The following TUBA8 variants were observed in gnomAD, a reference collection of about 807,000 sequenced individuals.
TUBA8 encodes tubulin alpha-8 chain.
TUBA8 carries 29 observed loss-of-function variants against 34.7 expected under a neutral mutation model. That is an observed-to-expected ratio of 0.84 (90% CI 0.62 to 1.14). The LOEUF is 1.14. TUBA8 is among the 50% of genes most tolerant of loss of function. The probability of loss-of-function intolerance (pLI) is 0.00; values close to 1 mark genes in which losing one functional copy is unlikely to be tolerated. For synonymous variants in TUBA8, 226 were observed against 231.2 expected (o/e 0.98, Z 0.21); for missense variants, 541 against 599.2 (o/e 0.90, Z 1.01).
rs1417998581 is a variant in TUBA8, at chr22:18,121,695, G to A, written c.220G>A (p.Val74Ile). ...RAVMIDLEPT[V>I]VDEVRAGTYR... Reference sequence around the variant, plus strand: ...CGTCATGATAGATCTGGAGCCTACTGTAGTGGGTGAGTGGGGGCGGAGTTC... The same window carrying A: ...CGTCATGATAGATCTGGAGCCTACTATAGTGGGTGAGTGGGGGCGGAGTTC... The change falls in exon 2 of 5, where the codon GTA (valine) becomes ATA (isoleucine). Residue 74 changes from valine (V) to isoleucine (I), a missense_variant. Physicochemically the swap from Val to Ile is conservative, Grantham distance 29. Coordinates refer to ENST00000330423, the MANE Select transcript of TUBA8 (RefSeq NM_018943.3). This position sits in a 1 kb window ranked among gnomAD's most constrained non-coding sequence, Gnocchi z 4.8. 6.2e-7 allele frequency: 1 copy of A among 1,614,006 alleles called. No individual in the cohort carries two copies. Among genetic ancestry groups the A allele is most frequent in the Admixed American group, 1.7e-5 (1 of 60,002 alleles).
At chr22:18,123,955 C>T in intron 2 of TUBA8, 2 of 634,030 alleles carry the variant, frequency 3.2e-6, no homozygotes, top group East Asian at 5.8e-5. Flanking sequence ...CCCACATGAG[C>T]CACAGGCCTT....
chr22:18,131,114 A>G lies in TUBA8; in HGVS notation c.1328A>G (p.Glu443Gly). ...EEVGTDSFEE[E>G]NEGEEF ...GTGGGGACTGATTCGTTTGAAGAAG[A>G]AAATGAAGGGGAGGAATTTTAAATA... Residue 443 changes from glutamate (E) to glycine (G), a missense_variant, in exon 5 of 5, where the codon GAA becomes GGA. Physicochemically the swap from Glu to Gly is moderately conservative, Grantham distance 98 (BLOSUM62 -2). Coordinates refer to ENST00000330423, the MANE Select transcript of TUBA8 (RefSeq NM_018943.3). The surrounding 1 kb of genome is among the most constrained non-coding windows in gnomAD (Gnocchi z 5.3). The G allele has an allele frequency of 1.2e-6, 2 of 1,614,142 alleles. No individual in the cohort carries two copies. Among genetic ancestry groups the G allele is most frequent in the East Asian group, 2.2e-5 (1 of 44,886 alleles).
In TUBA8 at chr22:18,131,108, A is replaced by G. The variant is rs1414368400; in HGVS notation, c.1322A>G (p.Glu441Gly). 3.1e-6 allele frequency: 5 copies of G among 1,614,160 alleles called. No homozygotes were observed. Among genetic ancestry groups the G allele is most frequent in the Non-Finnish European group, 4.2e-6 (5 of 1,180,028 alleles). ...GAAGAAGTGGGGACTGATTCGTTTG[A>G]AGAAGAAAATGAAGGGGAGGAATTT... ...DYEEVGTDSF[E>G]EENEGEEF Residue 441 changes from glutamate to glycine, a missense_variant, in exon 5 of 5, where the codon GAA becomes GGA. Glu to Gly is a moderately conservative substitution (Grantham distance 98). Coordinates refer to ENST00000330423, the MANE Select transcript of TUBA8 (RefSeq NM_018943.3). The surrounding 1 kb of genome is among the most constrained non-coding windows in gnomAD (Gnocchi z 5.3).
intron 1 of TUBA8, chr22:18,117,114 A>T (rs980115709): frequency 6.6e-6 from 1 of 152,094 alleles, no homozygotes; most frequent in Non-Finnish European, 1.5e-5. Context: ...TACTATGAAA[A>T]ATTTTAAGCC....
In TUBA8 at chr22:18,130,924, A is replaced by G. The variant is rs764081943; in HGVS notation, c.1138A>G (p.Asn380Asp). The change falls in exon 5 of 5, where the codon AAC (asparagine) becomes GAC (aspartate). Residue 380 changes from asparagine (N) to aspartate (D), a missense_variant. By Grantham distance (23) the Asn-to-Asp change is conservative (BLOSUM62 1). Transcript: ENST00000330423. ...GCAGCGGGCCGTCTGCATGCTCAGC[A>G]ACACCACGGCCATTGCGGAGGCCTG... ...KVQRAVCMLS[N>D]TTAIAEAWAR... 2 of 1,614,106 alleles carry G rather than the reference A, an allele frequency of 1.2e-6. No homozygotes were observed. Among genetic ancestry groups the G allele is most frequent in the East Asian group, 4.5e-5 (2 of 44,862 alleles).
At chr22:18,120,293 C>G (rs970823621) in intron 1 of TUBA8, 1 of 152,188 alleles carries the variant, frequency 6.6e-6, no homozygotes, top group Non-Finnish European at 1.5e-5. Flanking sequence ...TTCTTCCCTC[C>G]CCGCTCCAGT....
chr22:18,110,935 C>G lies in TUBA8; in HGVS notation c.3+67C>G, dbSNP rs1602486004. 6.5e-7 allele frequency: 1 copy of G among 1,534,658 alleles called. No individual in the cohort carries two copies. The highest frequency in any genetic ancestry group is 2.4e-5 in the East Asian group (1 of 41,122). On this transcript the variant is annotated intron_variant, in intron 1 of 4. Transcript: ENST00000330423. The surrounding 1 kb of genome is among the most constrained non-coding windows in gnomAD (Gnocchi z 6.2). ...GGCGTAGGACCGAGAGCCGAGTCTA[C>G]GCGGAGGCGCACGGACCCGTCTTCC...
intron 1 of TUBA8, chr22:18,114,138 A>C (rs1169420603): frequency 6.6e-6 from 1 of 152,264 alleles, no homozygotes; most frequent in Admixed American, 6.5e-5. Context: ...TGTGGTTGGC[A>C]TTTCCCCTGC....
chr22:18,124,299 A>G lies in TUBA8; in HGVS notation c.370A>G (p.Lys124Glu). Residue 124 changes from lysine to glutamate, a missense_variant, in exon 3 of 5, where the codon AAG becomes GAG. By Grantham distance (56) the Lys-to-Glu change is moderately conservative. Coordinates refer to ENST00000330423, the MANE Select transcript of TUBA8 (RefSeq NM_018943.3). This position sits in a 1 kb window ranked among gnomAD's most constrained non-coding sequence, Gnocchi z 4.3. ...SIDLVLDRIR[K>E]LTDACSGLQG... is the part of the protein sequence containing the mutation. ...TGACCTGGTGCTGGACCGCATACGG[A>G]AGCTGGTAAGATCAGGAGGGCAGGG... is the stretch of plus-strand genomic sequence containing the variant. 1 of 1,613,504 alleles carries G rather than the reference A, an allele frequency of 6.2e-7. No individual in the cohort carries two copies. The highest frequency in any genetic ancestry group is 2.2e-5 in the East Asian group (1 of 44,872).
At position 18,131,706 on chromosome 22, in the gene TUBA8, A is replaced by G. The variant is rs1429733842; in HGVS notation, c.*570A>G. 1 of 165,384 alleles carries G rather than the reference A, an allele frequency of 6.0e-6. No homozygotes were observed. Among genetic ancestry groups the G allele is most frequent in the Non-Finnish European group, 1.3e-5 (1 of 75,860 alleles). 10.2% of individuals were successfully genotyped at this position (165,384 alleles called of 1,614,324 possible). Reference sequence around the variant, plus strand: ...ACACATTTCCTGCCCTCATACACACATAAATAAAGTGAATGAGATCATGTC... The same window carrying G: ...ACACATTTCCTGCCCTCATACACACGTAAATAAAGTGAATGAGATCATGTC... On this transcript the variant is annotated 3_prime_UTR_variant, in exon 5 of 5. Transcript: ENST00000330423. This position sits in a 1 kb window ranked among gnomAD's most constrained non-coding sequence, Gnocchi z 5.3.
Position 18,126,782 on chromosome 22 carries a change from G to A in TUBA8, c.804G>A (p.Pro268=), listed in dbSNP as rs149523842. Reference sequence around the variant, plus strand: ...TGCCCTACCCCCGCATCCACTTCCCGCTGGTCACCTACGCGCCCATCATCT... The same window carrying A: ...TGCCCTACCCCCGCATCCACTTCCCACTGGTCACCTACGCGCCCATCATCT... ...NLVPYPRIHF[P]LVTYAPIISA... is the part of the protein sequence containing the mutation. The change falls in exon 4 of 5, where the codon CCG becomes CCA. Residue 268 remains proline, a synonymous_variant. Coordinates refer to ENST00000330423, the MANE Select transcript of TUBA8 (RefSeq NM_018943.3). This position sits in a 1 kb window ranked among gnomAD's most constrained non-coding sequence, Gnocchi z 4.0. 65 of 1,613,880 alleles carry A rather than the reference G, an allele frequency of 4.0e-5. No individual in the cohort carries two copies. The East Asian group carries it at 1.1e-3, about 27-fold the overall frequency.
chr22:18,115,838 C>T (rs1012838495), intron 1 of TUBA8: 14 of 152,204 alleles, frequency 9.2e-5, no homozygotes, highest in African/African-American at 3.4e-4. Flanking sequence ...TGAGAAGTGG[C>T]ATGCTTTTCA....
chr22:18,123,495 T>A (rs1928221109), intron 2 of TUBA8: 1 of 154,392 alleles, frequency 6.5e-6, no homozygotes, highest in South Asian at 2.0e-4. Context: ...GACCTCGTGA[T>A]CTGCCTGCCT....
chr22:18,126,427 C>A lies in TUBA8; in HGVS notation c.449C>A (p.Thr150Asn). The change falls in exon 4 of 5, where the codon ACT (threonine) becomes AAT (asparagine). Residue 150 changes from threonine (T) to asparagine (N), a missense_variant. Thr to Asn is a moderately conservative substitution (Grantham distance 65). Transcript: ENST00000330423. This position sits in a 1 kb window ranked among gnomAD's most constrained non-coding sequence, Gnocchi z 4.0. ...SFGGGTGSGFTSLLMERLSLD... is the reference protein window; with the variant it reads ...SFGGGTGSGFNSLLMERLSLD... Reference sequence around the variant, plus strand: ...GGTGGGGGCACTGGCTCCGGCTTCACTTCTCTGCTGATGGAACGCCTCTCC... The same window carrying A: ...GGTGGGGGCACTGGCTCCGGCTTCAATTCTCTGCTGATGGAACGCCTCTCC... 6.2e-7 allele frequency: 1 copy of A among 1,614,118 alleles called. No individual in the cohort carries two copies. Among genetic ancestry groups the A allele is most frequent in the Middle Eastern group, 1.7e-4 (1 of 6,058 alleles).
In TUBA8 at chr22:18,126,708, T is replaced by C; in HGVS notation, c.730T>C (p.Phe244Leu). 6.2e-7 allele frequency: 1 copy of C among 1,614,162 alleles called. No homozygotes were observed. Among genetic ancestry groups the C allele is most frequent in the Non-Finnish European group, 8.5e-7 (1 of 1,180,026 alleles). The change falls in exon 4 of 5, where the codon TTT becomes CTT. Residue 244 changes from phenylalanine to leucine, a missense_variant. Phe to Leu is a conservative substitution (Grantham distance 22). Coordinates refer to ENST00000330423, the MANE Select transcript of TUBA8 (RefSeq NM_018943.3). The surrounding 1 kb of genome is among the most constrained non-coding windows in gnomAD (Gnocchi z 4.0). Reference protein sequence around the residue: ...IVSSITASLRFDGALNVDLTE... With the variant: ...IVSSITASLRLDGALNVDLTE... Reference sequence around the variant, plus strand: ...GTCCTCAATCACTGCTTCTCTCCGCTTTGACGGGGCCCTCAATGTGGACCT... The same window carrying C: ...GTCCTCAATCACTGCTTCTCTCCGCCTTGACGGGGCCCTCAATGTGGACCT...
rs1267669946 is a variant in TUBA8 at position 18,126,662 on chromosome 22, C to T, written c.684C>T (p.Asn228=). 6 of 1,614,176 alleles carry T rather than the reference C, an allele frequency of 3.7e-6. No individual in the cohort carries two copies. Among genetic ancestry groups the T allele is most frequent in the Non-Finnish European group, 5.1e-6 (6 of 1,180,028 alleles). The stretch of plus-strand genomic sequence containing the variant: ...AGCGCCCTACCTATACCAACCTCAA[C>T]CGCCTCATCAGTCAGATTGTGTCCT... The part of the protein sequence containing the change: ...DIERPTYTNL[N]RLISQIVSSI... The change falls in exon 4 of 5, where the codon AAC becomes AAT. Residue 228 remains asparagine (N), a synonymous_variant. Coordinates refer to ENST00000330423, the MANE Select transcript of TUBA8 (RefSeq NM_018943.3). The surrounding 1 kb of genome is among the most constrained non-coding windows in gnomAD (Gnocchi z 4.0).
At chr22:18,129,884 G>C (rs1223305455) in intron 4 of TUBA8, 3 of 152,414 alleles carry the variant, frequency 2.0e-5, no homozygotes, top group African/African-American at 7.2e-5. Context: ...TCCTGGGGTT[G>C]GCTTTGGTTT....
intron 1 of TUBA8, chr22:18,112,468 T>C (rs2123690791): frequency 6.6e-6 from 1 of 152,310 alleles, no homozygotes; most frequent in Middle Eastern, 3.4e-3. Context: ...TCCAAGTGCT[T>C]CCCTTGCATG....
Position 18,118,292 on chromosome 22 carries a change from A to T in TUBA8, c.4-3187A>T, listed in dbSNP as rs535597308. ...TTGCTTAGCAGACATTCTTCAATTA[A>T]AGAAAAAAGAGCCTTCTCTAACTAA... is the stretch of plus-strand genomic sequence containing the variant. On this transcript the variant is annotated intron_variant, in intron 1 of 4. Coordinates refer to ENST00000330423, the MANE Select transcript of TUBA8 (RefSeq NM_018943.3). The surrounding 1 kb of genome is among the most constrained non-coding windows in gnomAD (Gnocchi z 4.0). 23 of 152,360 alleles carry T rather than the reference A, an allele frequency of 1.5e-4. No individual in the cohort carries two copies. Among genetic ancestry groups the T allele is most frequent in the African/African-American group, 4.8e-4 (20 of 41,586 alleles). 9.4% of individuals were successfully genotyped at this position (152,360 alleles called of 1,614,324 possible). A position where few individuals can be genotyped will look rare whatever the true frequency, so the allele number is the denominator to read the frequency against.
Sources: gnomAD v4.1 joint callset for allele counts on GRCh38, gnomAD v4.1.1 for gene constraint, Gnocchi (gnomAD v3.1) non-coding constraint, MANE v1.5 for transcripts, NCBI Gene and HGNC (gene_info 2026-07-23, HGNC 2026-07-21) for gene names.